SETDB1: variants seen among roughly 807,000 people sequenced by gnomAD.
The protein encoded by SETDB1 is histone-lysine N-methyltransferase SETDB1.
SETDB1 carries 31 observed loss-of-function variants against 137.4 expected under a neutral mutation model. That is an observed-to-expected ratio of 0.23 (90% CI 0.17 to 0.30). The LOEUF is 0.30. Among genes scored for constraint, SETDB1 ranks in the 10% least tolerant of loss-of-function variants. The probability of loss-of-function intolerance (pLI) is 1.00; values close to 1 mark genes in which losing one functional copy is unlikely to be tolerated. For missense variants in SETDB1, 1,113 were observed against 1,631.5 expected (o/e 0.68, Z 5.47); for synonymous variants, 548 against 579.9 (o/e 0.95, Z 0.79).
chr1:150,947,292 G>T (rs1419413541), intron 10 of SETDB1, among the ~76,000 whole-genome samples: 1 of 151,984 alleles, frequency 6.6e-6, no homozygotes, highest in African/African-American at 2.4e-5. Flanking sequence ...AGAATTGTCA[G>T]TTTTGTGTGT....
Position 150,949,353 on chromosome 1 carries a change from C to G in SETDB1, c.1425-14C>G. ...CACATCCCTTACTATATGCCCTCTT[C>G]TCTAATCTCCTAGAAGCTTGGAAAG... On this transcript the variant is annotated splice_polypyrimidine_tract_variant and intron_variant, in intron 11 of 21. Coordinates refer to ENST00000692827, the MANE Select transcript of SETDB1 (RefSeq NM_001366418.1). 6.2e-7 allele frequency: 1 copy of G among 1,614,058 alleles called. No individual in the cohort carries two copies. Among genetic ancestry groups the G allele is most frequent in the Non-Finnish European group, 8.5e-7 (1 of 1,179,982 alleles).
chr1:150,932,616 C>T (rs1669794970), intron 3 of SETDB1, among the ~76,000 whole-genome samples: 1 of 152,118 alleles, frequency 6.6e-6, no homozygotes, highest in African/African-American at 2.4e-5. Flanking sequence ...TATTCAGCTT[C>T]TGGACTTTTT....
At chr1:150,930,210 C>G in intron 3 of SETDB1, 92 bp downstream of exon 3, 1 of 1,115,266 alleles carries the variant, frequency 9.0e-7, no homozygotes, top group South Asian at 1.5e-5. Context: ...AGAGGAGAAA[C>G]CATTGTCACT....
chr1:150,963,407 C>T, intron 19 of SETDB1, 123 bp from the exon 20 acceptor site: 1 of 867,742 alleles, frequency 1.2e-6, no homozygotes, highest in East Asian at 2.7e-5. Context: ...TCTTTGAGTT[C>T]CAGCTTATTG....
chr1:150,945,507 T>G (rs1670295889), intron 9 of SETDB1, among the ~76,000 whole-genome samples: 1 of 152,210 alleles, frequency 6.6e-6, no homozygotes, highest in Admixed American at 6.5e-5. Context: ...TATTTTGTAC[T>G]CATCCTTTTC....
In SETDB1 at chr1:150,927,977, G is replaced by A. The variant is rs1308227040; in HGVS notation, c.260+3G>A. ...CAACTCTTTGATGATGCATCCAGGTGAGAACTCCATGGAAAATAGAAGGAA... is the reference window on the plus strand; with the variant it reads ...CAACTCTTTGATGATGCATCCAGGTAAGAACTCCATGGAAAATAGAAGGAA... On this transcript the variant is annotated splice_donor_region_variant and intron_variant, in intron 2 of 21. Transcript: ENST00000692827. 4 of 1,613,050 alleles carry A rather than the reference G, an allele frequency of 2.5e-6. No homozygotes were observed. The highest frequency in any genetic ancestry group is 3.4e-6 in the Non-Finnish European group (4 of 1,179,252).
chr1:150,946,820 A>C, intron 9 of SETDB1, 66 bp from the exon 10 acceptor site: 2 of 1,577,526 alleles, frequency 1.3e-6, no homozygotes, highest in Non-Finnish European at 1.7e-6. Flanking sequence ...TATATCCTCT[A>C]CACAGGACAG....
intron 1 of SETDB1, chr1:150,926,776 G>A (rs1466127947): frequency 1.9e-6 from 1 of 533,298 alleles, no homozygotes; most frequent in Admixed American, 1.9e-5. Context: ...CAGTTCACAC[G>A]AATGTGTGAA....
At chr1:150,933,368 C>CTTTTTTTTTTTTTTTTTTTTT (rs71090112) in intron 3 of SETDB1, among the ~76,000 whole-genome samples, 5 of 118,860 alleles carry the variant, frequency 4.2e-5, no homozygotes, top group African/African-American at 6.3e-5. Context: ...CCTATTTTGT[C>CTTTTTTTTTTTTTTTTTTTTT]TTTTTTTTTT....
intron 9 of SETDB1, among the ~76,000 whole-genome samples, chr1:150,946,493 G>C (rs1268492951): frequency 1.3e-5 from 2 of 152,110 alleles, no homozygotes; most frequent in African/African-American, 4.8e-5. Context: ...CTGTTGCCCA[G>C]GCTGGAGTAC....
At chr1:150,929,621 A>T (rs1330323533) in intron 2 of SETDB1, among the ~76,000 whole-genome samples, 4 of 151,940 alleles carry the variant, frequency 2.6e-5, no homozygotes, top group Non-Finnish European at 1.5e-5. Flanking sequence ...ACCTCAAGTG[A>T]TCTACCTGCC....
In SETDB1 at chr1:150,949,497, G is replaced by C. The variant is rs368655601; in HGVS notation, c.1555G>C (p.Gly519Arg). 2.4e-5 allele frequency: 38 copies of C among 1,613,912 alleles called. No individual in the cohort carries two copies. The highest frequency in any genetic ancestry group is 3.3e-5 in the Admixed American group (2 of 59,978). The stretch of plus-strand genomic sequence containing the variant: ...TGCACTCAGTGAAAATGTCTCTGGT[G>C]GGAAACCTGGGATCAACCAGACATA... ...SPALSENVSG[G>R]KPGINQTYRS... Residue 519 changes from glycine (G) to arginine (R), a missense_variant, in exon 12 of 22, where the codon GGG (glycine) becomes CGG (arginine). This residue lies in a region of SETDB1 where 192 missense variants were observed against 198.1 expected (regional missense o/e 0.97). Coordinates refer to ENST00000692827, the MANE Select transcript of SETDB1 (RefSeq NM_001366418.1).
intron 3 of SETDB1, among the ~76,000 whole-genome samples, chr1:150,932,871 A>G (rs587660867): frequency 8.5e-4 from 129 of 152,244 alleles, no homozygotes; most frequent in Non-Finnish European, 1.4e-3. Context: ...CTCTCAGGAT[A>G]TCATACTTTT....
chr1:150,962,501 T>C, intron 17 of SETDB1, 86 bp from the exon 18 acceptor site: 1 of 1,383,428 alleles, frequency 7.2e-7, no homozygotes. Flanking sequence ...TTGACCTGTC[T>C]CCAAATCTGC....
chr1:150,955,535 C>T (rs1456338479), intron 14 of SETDB1, among the ~76,000 whole-genome samples: 1 of 152,190 alleles, frequency 6.6e-6, no homozygotes, highest in Admixed American at 6.5e-5. Flanking sequence ...GTGTGGCTAT[C>T]TTCTTTAACC....
chr1:150,962,864 TA>T, intron 18 of SETDB1, 109 bp from the exon 19 acceptor site: 1 of 1,469,688 alleles, frequency 6.8e-7, no homozygotes. Context: ...ATCCAGCATC[TA>T]ATCTTCCTCT....
intron 18 of SETDB1, 109 bp from the exon 19 acceptor site, chr1:150,962,865 A>T: frequency 6.8e-7 from 1 of 1,470,704 alleles, no homozygotes; most frequent in Non-Finnish European, 9.3e-7. Context: ...TCCAGCATCT[A>T]ATCTTCCTCT....
rs1454482634 is a variant in SETDB1, at chr1:150,963,910, T to C, written c.3673-85T>C. 9.6e-6 allele frequency: 13 copies of C among 1,354,252 alleles called. No individual in the cohort carries two copies. In the East Asian group the frequency reaches 2.5e-4, roughly 26 times the overall value. The allele number at this position is 1,354,252 out of a possible 1,614,324, so 83.9% of individuals were successfully genotyped here. Reference sequence around the variant, plus strand: ...TTATAATGGGGAGGGTCAGATGGCATCATTTTTCTTCCAACTCTCACTCTC... The same window carrying C: ...TTATAATGGGGAGGGTCAGATGGCACCATTTTTCTTCCAACTCTCACTCTC... On this transcript the variant is annotated intron_variant, in intron 20 of 21. Coordinates refer to ENST00000692827, the MANE Select transcript of SETDB1 (RefSeq NM_001366418.1).
chr1:150,928,071 G>T, intron 2 of SETDB1, 97 bp downstream of exon 2: 1 of 1,418,524 alleles, frequency 7.0e-7, no homozygotes. Flanking sequence ...TTTATTTTAT[G>T]TTTTGAGACG....
Sources: gnomAD v4.1 joint callset for allele counts (sites outside exome capture counted in the v4.1 genomes callset) on GRCh38, gnomAD v4.1.1 for gene constraint, gnomAD v4.1.1 regional missense constraint, MANE v1.5 for transcripts, NCBI Gene and HGNC (gene_info 2026-07-23, HGNC 2026-07-21) for gene names.